Variants in SPRED2 observed in about 807,000 individuals in gnomAD.
The protein encoded by SPRED2 is sprouty related EVH1 domain containing 2.
Under a neutral mutation model 43.0 loss-of-function variants are expected in SPRED2, and 47 were observed. The ratio of observed to expected loss-of-function variants is 1.09; its 90% CI spans 0.87 to 1.40. The LOEUF is 1.40. SPRED2 is among the 40% of genes most tolerant of loss of function. The pLI is 0.00. For missense variants in SPRED2, 561 were observed against 586.4 expected, an observed-to-expected ratio of 0.96 and a Z score of 0.45; for synonymous variants, 225 against 225.7, an observed-to-expected ratio of 1.00 and a Z score of 0.03.
intron 4 of SPRED2, among the ~76,000 whole-genome samples, chr2:65,325,147 A>T (rs1052126622): frequency 6.6e-6 from 1 of 152,134 alleles, no homozygotes; most frequent in African/African-American, 2.4e-5. Flanking sequence ...CTTCTTAGGG[A>T]GGGAGATAAA....
intron 1 of SPRED2, among the ~76,000 whole-genome samples, chr2:65,384,233 C>T (rs76191234): frequency 0.014 from 2,194 of 152,174 alleles, 63 homozygotes; most frequent in African/African-American, 0.05. Flanking sequence ...CAGCCTCCCT[C>T]GGTGGACTGC....
At chr2:65,330,170 A>G (rs1295604674) in intron 4 of SPRED2, among the ~76,000 whole-genome samples, 1 of 152,152 alleles carries the variant, frequency 6.6e-6, no homozygotes, top group Non-Finnish European at 1.5e-5. Context: ...TCTGCAAACC[A>G]TCTTGTGATC....
downstream of SPRED2, among the ~76,000 whole-genome samples, chr2:65,310,439 G>A (rs924599291): frequency 6.7e-6 from 1 of 149,860 alleles, no homozygotes; most frequent in Non-Finnish European, 1.5e-5. Flanking sequence ...TGTTTTCTGC[G>A]AGAAATTGTC....
At chr2:65,320,588 C>G (rs1023923713) in intron 4 of SPRED2, among the ~76,000 whole-genome samples, 1 of 152,192 alleles carries the variant, frequency 6.6e-6, no homozygotes, top group Non-Finnish European at 1.5e-5. Flanking sequence ...GGCATGTCCA[C>G]AGTCTACTGC....
intron 2 of SPRED2, 87 bp from the exon 3 acceptor site, chr2:65,334,860 G>T: frequency 4.3e-6 from 6 of 1,409,702 alleles, no homozygotes; most frequent in Non-Finnish European, 6.0e-6. Context: ...AACCATCACT[G>T]GTGGCAACTA....
At chr2:65,419,577 TTGTGTGTGTGTGTGTGTGTGTGTGTG>T (rs10541896) in intron 1 of SPRED2, among the ~76,000 whole-genome samples, 1 of 148,886 alleles carries the variant, frequency 6.7e-6, no homozygotes, top group African/African-American at 2.5e-5. Context: ...GGGATTATAG[TTGTGTGTGTGTGTGTGTGTGTGTGTG>T]TGTGTGTGTG....
chr2:65,397,124 G>T (rs1675776237), intron 1 of SPRED2, among the ~76,000 whole-genome samples: 1 of 152,058 alleles, frequency 6.6e-6, no homozygotes, highest in Non-Finnish European at 1.5e-5. Flanking sequence ...AAAAAGATTT[G>T]ACTTTTCTCT....
chr2:65,418,921 CT>C (rs1467587821), intron 1 of SPRED2, among the ~76,000 whole-genome samples: 1 of 151,840 alleles, frequency 6.6e-6, no homozygotes, highest in South Asian at 2.1e-4. Flanking sequence ...GAATAAAAGT[CT>C]TTTTTTAAAA....
intron 1 of SPRED2, among the ~76,000 whole-genome samples, chr2:65,354,786 CA>C (rs1248070079): frequency 6.6e-6 from 1 of 152,142 alleles, no homozygotes; most frequent in Non-Finnish European, 1.5e-5. Flanking sequence ...AAAACCCTAA[CA>C]TGGGGCAGTT....
chr2:65,308,621 C>A (rs1672989329), downstream of SPRED2: 1 of 946,216 alleles, frequency 1.1e-6, no homozygotes. Flanking sequence ...TTTTGGGGCA[C>A]CTGCTGCGTA....
intron 1 of SPRED2, among the ~76,000 whole-genome samples, chr2:65,357,409 G>A (rs1003191431): frequency 5.3e-5 from 8 of 152,172 alleles, no homozygotes; most frequent in Admixed American, 2.0e-4. Flanking sequence ...TGTGGAAACC[G>A]TCTATGCTAG....
chr2:65,378,274 G>T (rs11689314), intron 1 of SPRED2: 55,159 of 152,672 alleles, frequency 0.36, 10,623 homozygotes, highest in Non-Finnish European at 0.44. Flanking sequence ...ACATGGATTT[G>T]GTATTAGATG....
chr2:65,338,253 CTCTCCCTCTCCCG>C (rs1674036503), intron 2 of SPRED2, among the ~76,000 whole-genome samples: 9 of 57,388 alleles, frequency 1.6e-4, no homozygotes, highest in African/African-American at 1.1e-3. Flanking sequence ...TCCCGTCTCC[CTCTCCCTCTCCCG>C]TCTCCCTCTC....
intron 4 of SPRED2, among the ~76,000 whole-genome samples, chr2:65,319,946 C>T (rs938304025): frequency 2.0e-5 from 3 of 152,244 alleles, no homozygotes; most frequent in South Asian, 2.1e-4. Flanking sequence ...CCTCTCACAG[C>T]CAGGTAAGTC....
In SPRED2 at chr2:65,352,810, G is replaced by A. The variant is rs76704104; in HGVS notation, c.27-7914C>T. Among the ~76,000 whole-genome samples, 89 of 152,312 alleles carry A rather than the reference G, an allele frequency of 5.8e-4. 2 individuals are homozygous for A. In the East Asian group the frequency reaches 0.016, roughly 28 times the overall value. ...AGCTAATTTTTGTATTTTTAGTTGA[G>A]ACGGGGTTTCAGCATGTTGACCAGG... On this transcript the variant is annotated intron_variant, in intron 1 of 5. Transcript: ENST00000356388.
intron 1 of SPRED2, among the ~76,000 whole-genome samples, chr2:65,346,041 A>G (rs539421439): frequency 2.6e-5 from 4 of 152,330 alleles, no homozygotes; most frequent in African/African-American, 9.6e-5. Context: ...CAGGAAACAA[A>G]GTTGCAGAGT....
intron 1 of SPRED2, among the ~76,000 whole-genome samples, chr2:65,421,903 A>T (rs1329481064): frequency 1.3e-5 from 2 of 152,214 alleles, no homozygotes; most frequent in African/African-American, 4.8e-5. Flanking sequence ...TGTTCTACAG[A>T]TGTTAAGATT....
chr2:65,354,821 C>T (rs767990350), intron 1 of SPRED2, among the ~76,000 whole-genome samples: 1 of 152,140 alleles, frequency 6.6e-6, no homozygotes, highest in Admixed American at 6.5e-5. Flanking sequence ...ACGAAGTGTT[C>T]GCTGAAGTAA....
At position 65,397,713 on chromosome 2, in the gene SPRED2, A is replaced by T. The variant is rs570398748; in HGVS notation, c.26+34249T>A. Among the ~76,000 whole-genome samples, 4 of 151,966 alleles carry T rather than the reference A, an allele frequency of 2.6e-5. No individual in the cohort carries two copies. The South Asian group carries it at 8.3e-4, about 32-fold the overall frequency. The stretch of plus-strand genomic sequence containing the variant: ...AGATTGCCCACTTCCTGAAGACAGG[A>T]GCCTCATCTTAGCTAGACTCCTTTA... On this transcript the variant is annotated intron_variant, in intron 1 of 5. Coordinates refer to ENST00000356388, the MANE Select transcript of SPRED2 (RefSeq NM_181784.3).
Sources: allele counts gnomAD v4.1 joint callset (sites outside exome capture counted in the v4.1 genomes callset), GRCh38; gene constraint gnomAD v4.1.1; transcripts MANE v1.5; gene names NCBI Gene and HGNC (gene_info 2026-07-23, HGNC 2026-07-21).